Variants in SLC17A8 observed in about 807,000 individuals in gnomAD.
The protein encoded by SLC17A8 is vesicular glutamate transporter 3.
In SLC17A8, 31 loss-of-function variants were observed where a neutral mutation model predicts 58.0. The ratio of observed to expected loss-of-function variants is 0.53; its 90% CI spans 0.40 to 0.72. The LOEUF (loss-of-function observed/expected upper bound fraction) is 0.72. Among genes scored for constraint, SLC17A8 ranks in the 30% least tolerant of loss-of-function variants. The probability of loss-of-function intolerance (pLI) is 0.00; values close to 1 mark genes in which losing one functional copy is unlikely to be tolerated. For synonymous variants in SLC17A8, 228 were observed against 249.0 expected, an observed-to-expected ratio of 0.92 and a Z score of 0.79; for missense variants, 655 against 727.8, an observed-to-expected ratio of 0.90 and a Z score of 1.15.
At chr12:100,416,988 C>T (rs1293750187) in intron 10 of SLC17A8, among the ~76,000 whole-genome samples, 1 of 152,220 alleles carries the variant, frequency 6.6e-6, no homozygotes, top group African/African-American at 2.4e-5. Context: ...TCGCTGTAAC[C>T]TCCAACTCCT....
intron 1 of SLC17A8, among the ~76,000 whole-genome samples, chr12:100,359,902 C>G (rs760655143): frequency 1.8e-4 from 28 of 152,292 alleles, no homozygotes; most frequent in Non-Finnish European, 3.5e-4. Flanking sequence ...TTTGTAGGAG[C>G]TTTTGGAAGC....
chr12:100,361,968 A>C lies in SLC17A8; in HGVS notation c.101+4476A>C, dbSNP rs140510925. On this transcript the variant is annotated intron_variant, in intron 1 of 11. Coordinates refer to ENST00000323346, the MANE Select transcript of SLC17A8 (RefSeq NM_139319.3). ...AGAGGGAGACTCCATCTCCAAAAAA[A>C]ACAAAACAAAAAAAAACAGAAAGGA... is the stretch of plus-strand genomic sequence containing the variant. Among the ~76,000 whole-genome samples the C allele has an allele frequency of 6.2e-3, 939 of 152,058 alleles. 6 individuals carry two copies. The highest frequency in any genetic ancestry group is 0.021 in the African/African-American group (881 of 41,402).
intron 1 of SLC17A8, among the ~76,000 whole-genome samples, chr12:100,377,587 T>TATATATATATATATATATA: frequency 2.3e-5 from 1 of 44,234 alleles, no homozygotes; most frequent in African/African-American, 9.0e-5. Flanking sequence ...ATATATATAT[T>TATATATATATATATATATA]TTTTTTTTTT....
In SLC17A8 at chr12:100,418,146, C is replaced by T. The variant is rs1341325853; in HGVS notation, c.1415C>T (p.Thr472Ile). Residue 472 changes from threonine to isoleucine, a missense_variant, in exon 11 of 12, where the codon ACC (threonine) becomes ATC (isoleucine). By Grantham distance (89) the Thr-to-Ile change is moderately conservative. Coordinates refer to ENST00000323346, the MANE Select transcript of SLC17A8 (RefSeq NM_139319.3). ...TGTCCCCTCATTGTCGGTGCAATGA[C>T]CAGGCACAAGGTAAAGGTCTCCTTT... ...MVCPLIVGAM[T>I]RHKTREEWQN... is the part of the protein sequence containing the mutation. The T allele has an allele frequency of 6.2e-7, 1 of 1,613,970 alleles. No individual in the cohort carries two copies. The highest frequency in any genetic ancestry group is 8.5e-7 in the Non-Finnish European group (1 of 1,180,018).
intron 3 of SLC17A8, among the ~76,000 whole-genome samples, chr12:100,392,088 A>G (rs1566396052): frequency 6.6e-6 from 1 of 152,196 alleles, no homozygotes; most frequent in Non-Finnish European, 1.5e-5. Flanking sequence ...AGAATGTATC[A>G]TGTATTAGAA....
At chr12:100,401,145 G>A (rs1249670498) in intron 5 of SLC17A8, among the ~76,000 whole-genome samples, 4 of 151,484 alleles carry the variant, frequency 2.6e-5, no homozygotes, top group Admixed American at 1.3e-4. Context: ...TTACAGGCAC[G>A]CGCCACCATG....
At chr12:100,370,176 A>G (rs1952549539) in intron 1 of SLC17A8, among the ~76,000 whole-genome samples, 1 of 151,818 alleles carries the variant, frequency 6.6e-6, no homozygotes, top group Non-Finnish European at 1.5e-5. Context: ...CTGGTCTCAA[A>G]CTCCTGGCCT....
At chr12:100,378,524 T>A (rs1264442989) in intron 1 of SLC17A8, among the ~76,000 whole-genome samples, 1 of 152,148 alleles carries the variant, frequency 6.6e-6, no homozygotes, top group African/African-American at 2.4e-5. Context: ...AGAGAAAATG[T>A]CTTTTATTTT....
intron 1 of SLC17A8, among the ~76,000 whole-genome samples, chr12:100,377,181 G>A (rs1002284653): frequency 1.1e-4 from 17 of 152,044 alleles, no homozygotes; most frequent in African/African-American, 4.1e-4. Flanking sequence ...GACTACTAGG[G>A]CAGCCCATTA....
At chr12:100,374,214 G>T (rs1952578559) in intron 1 of SLC17A8, among the ~76,000 whole-genome samples, 2 of 152,192 alleles carry the variant, frequency 1.3e-5, no homozygotes, top group Non-Finnish European at 2.9e-5. Context: ...TTATCTGACT[G>T]CCCAGAAGCC....
chr12:100,408,353 T>C (rs577454108), intron 9 of SLC17A8, among the ~76,000 whole-genome samples: 1 of 152,322 alleles, frequency 6.6e-6, no homozygotes, highest in East Asian at 1.9e-4. Context: ...CTATAGAACA[T>C]GCAAAGTGTA....
At chr12:100,372,225 A>G (rs1027324408) in intron 1 of SLC17A8, among the ~76,000 whole-genome samples, 3 of 152,182 alleles carry the variant, frequency 2.0e-5, no homozygotes, top group African/African-American at 7.2e-5. Flanking sequence ...GTCCAAGATC[A>G]AGGTTTGATT....
chr12:100,386,482 C>G (rs1952675249), intron 2 of SLC17A8, among the ~76,000 whole-genome samples: 1 of 152,060 alleles, frequency 6.6e-6, no homozygotes, highest in South Asian at 2.1e-4. Context: ...TCCCCCAGCA[C>G]CTGACAACCA....
chr12:100,367,703 A>G (rs1407557966), intron 1 of SLC17A8, among the ~76,000 whole-genome samples: 1 of 152,038 alleles, frequency 6.6e-6, no homozygotes, highest in Non-Finnish European at 1.5e-5. Flanking sequence ...GTTGCGAGCC[A>G]CCATGCTTGG....
chr12:100,411,549 T>G (rs183200572), intron 9 of SLC17A8, among the ~76,000 whole-genome samples: 14 of 152,278 alleles, frequency 9.2e-5, no homozygotes, highest in Admixed American at 2.0e-4. Context: ...ATGTTGCCTT[T>G]GAGGTACTGT....
At chr12:100,402,041 A>T (rs1359532762) in intron 6 of SLC17A8, among the ~76,000 whole-genome samples, 178 bp downstream of exon 6, 1 of 152,234 alleles carries the variant, frequency 6.6e-6, no homozygotes, top group Non-Finnish European at 1.5e-5. Flanking sequence ...GACCTAAAAA[A>T]ATAAGTAGAA....
intron 11 of SLC17A8, 130 bp from the exon 12 acceptor site, chr12:100,419,685 C>T (rs1035021677): frequency 1.4e-4 from 119 of 832,802 alleles, no homozygotes; most frequent in Middle Eastern, 5.5e-4. Context: ...CACGTCCTCC[C>T]GCCCAAGGAG....
At chr12:100,380,139 CG>C (rs1260450291) in intron 1 of SLC17A8, among the ~76,000 whole-genome samples, 1 of 142,408 alleles carries the variant, frequency 7.0e-6, no homozygotes, top group African/African-American at 2.7e-5. Flanking sequence ...GCAGAGGTTG[CG>C]GGGAGCCGAG....
intron 10 of SLC17A8, 74 bp from the exon 11 acceptor site, chr12:100,417,955 C>A: frequency 1.3e-6 from 2 of 1,589,014 alleles, no homozygotes. Flanking sequence ...AAGGCTGGGG[C>A]AACTGAGTAT....
Sources: allele counts gnomAD v4.1 joint callset (sites outside exome capture counted in the v4.1 genomes callset), GRCh38; gene constraint gnomAD v4.1.1; transcripts MANE v1.5; gene names NCBI Gene and HGNC (gene_info 2026-07-23, HGNC 2026-07-21).